CLCN5: variants seen among roughly 807,000 people sequenced by gnomAD.
The protein encoded by CLCN5 is Cl-/H+ antiporter 5, also known as H(+)/Cl(-) exchange transporter 5.
Under a neutral mutation model 54.0 loss-of-function variants are expected in CLCN5, and 17 were observed. That is an observed-to-expected ratio of 0.31 (90% CI 0.22 to 0.47). The LOEUF (loss-of-function observed/expected upper bound fraction) is 0.47. CLCN5 is among the 20% of genes least tolerant of loss of function. The pLI is 1.00. For missense variants in CLCN5, 448 were observed against 646.7 expected, an observed-to-expected ratio of 0.69 and a Z score of 3.33; for synonymous variants, 222 against 233.0, an observed-to-expected ratio of 0.95 and a Z score of 0.43.
At chrX:49,978,838 T>G (rs1323499277) in intron 3 of CLCN5, among the ~76,000 whole-genome samples, 1 of 111,751 alleles carries the variant, frequency 8.9e-6, no homozygotes, top group Non-Finnish European at 1.9e-5. Context: ...GGGTGGACTT[T>G]TTAAAAACCA....
intron 3 of CLCN5, chrX:50,003,012 T>C (rs2087265915): frequency 8.5e-6 from 2 of 235,619 alleles, no homozygotes; most frequent in African/African-American, 2.8e-5. Flanking sequence ...ATGTTGTAGA[T>C]AGTGAACATT....
intron 3 of CLCN5, among the ~76,000 whole-genome samples, chrX:50,035,973 C>T (rs1931978558): frequency 8.9e-6 from 1 of 111,990 alleles, no homozygotes; most frequent in Non-Finnish European, 1.9e-5. Context: ...AATCCCATTA[C>T]ATTTGTTCCT....
intron 3 of CLCN5, among the ~76,000 whole-genome samples, chrX:49,950,348 G>GT (rs1376959625): frequency 1.8e-5 from 2 of 111,991 alleles, no homozygotes; most frequent in Admixed American, 9.5e-5. Context: ...AATACACTTG[G>GT]TTTTTTAAGC....
At chrX:49,991,542 T>A (rs936140454) in intron 3 of CLCN5, among the ~76,000 whole-genome samples, 1 of 112,255 alleles carries the variant, frequency 8.9e-6, no homozygotes, top group Admixed American at 9.4e-5. Context: ...GTGCAGAAGC[T>A]TTTTAGTTTA....
rs1393410244 is a variant in CLCN5, at chrX:49,966,609, T to TA, written c.16+41295_16+41296insA. ...CTGATCTTTTTTTTTTTTTTTTTTT[T>TA]TTATTTTTTTATTTTTTTTATTATA... On this transcript the variant is annotated intron_variant, in intron 3 of 14. Transcript: ENST00000376091. Among the ~76,000 whole-genome samples, 61 of 21,354 alleles carry TA rather than the reference T, an allele frequency of 2.9e-3. 3 individuals are homozygous for TA. The highest frequency in any genetic ancestry group is 3.2e-3 in the Non-Finnish European group (45 of 13,936). 18.5% of individuals were successfully genotyped at this position (21,354 alleles called of 115,157 possible).
rs782577595 is a variant in CLCN5, at chrX:50,078,027, C to CA, written c.603+2060dup. Among the ~76,000 whole-genome samples the CA allele has an allele frequency of 1.4e-3, 124 of 86,489 alleles. No individual in the cohort carries two copies. In the Middle Eastern group the frequency reaches 0.023, roughly 16 times the overall value. The allele number at this position is 86,489 out of a possible 115,157, so 75.1% of individuals were successfully genotyped here. The stretch of plus-strand genomic sequence containing the variant: ...TGGGCGACAGAGCAAGACTCTATCT[C>CA]AAAAAAAAAAAAAAATCCTCTCCTC... On this transcript the variant is annotated intron_variant, in intron 7 of 14. Transcript: ENST00000376091.
chrX:50,026,068 G>A (rs1931373708), intron 3 of CLCN5, among the ~76,000 whole-genome samples: 1 of 111,668 alleles, frequency 9.0e-6, no homozygotes, highest in African/African-American at 3.3e-5. Flanking sequence ...CACAAATTTT[G>A]ATAAGTGGTT....
intron 3 of CLCN5, among the ~76,000 whole-genome samples, chrX:49,985,003 A>C (rs1557178141): frequency 9.1e-6 from 1 of 109,924 alleles, no homozygotes; most frequent in Non-Finnish European, 1.9e-5. Context: ...TTGTTTGAGA[A>C]ACTTACTCCT....
chrX:50,010,384 G>C (rs1303937304), intron 3 of CLCN5, among the ~76,000 whole-genome samples: 2 of 110,295 alleles, frequency 1.8e-5, no homozygotes, highest in African/African-American at 6.6e-5. Flanking sequence ...GGGACCACAG[G>C]CTTGTGCCAC....
At chrX:49,977,209 G>A (rs1329170974) in intron 3 of CLCN5, among the ~76,000 whole-genome samples, 1 of 110,459 alleles carries the variant, frequency 9.1e-6, no homozygotes, top group Non-Finnish European at 1.9e-5. Context: ...GAGGGAGGGG[G>A]AATTGAAACA....
At position 50,086,666 on chromosome X, in the gene CLCN5, A is replaced by G. The variant is rs1557194009; in HGVS notation, c.1353A>G (p.Thr451=). ...AFPNEYTRMS[T]SELISELFND... is the part of the protein sequence containing the mutation. Reference sequence around the variant, plus strand: ...CCAATGAATACACTCGGATGAGCACAAGTGAGCTCATTTCTGAGCTGTTTA... The same window carrying G: ...CCAATGAATACACTCGGATGAGCACGAGTGAGCTCATTTCTGAGCTGTTTA... The change falls in exon 11 of 15, where the codon ACA becomes ACG. Residue 451 remains threonine (T), a synonymous_variant. Coordinates refer to ENST00000376091, the MANE Select transcript of CLCN5 (RefSeq NM_001127898.4). 4 of 1,210,629 alleles carry G rather than the reference A, an allele frequency of 3.3e-6. No individual in the cohort carries two copies. The highest frequency in any genetic ancestry group is 2.3e-4 in the Middle Eastern group (1 of 4,351).
chrX:49,996,555 T>C (rs1929531352), intron 3 of CLCN5, among the ~76,000 whole-genome samples: 1 of 112,678 alleles, frequency 8.9e-6, no homozygotes, highest in African/African-American at 3.2e-5. Flanking sequence ...TTCATGTCCA[T>C]CTGGACTTGT....
intron 3 of CLCN5, among the ~76,000 whole-genome samples, chrX:49,949,163 A>G (rs1274426090): frequency 8.9e-6 from 1 of 112,129 alleles, no homozygotes; most frequent in Non-Finnish European, 1.9e-5. Context: ...GGGCAATTTT[A>G]CCCCCTGGGG....
intron 3 of CLCN5, among the ~76,000 whole-genome samples, chrX:50,025,175 C>G (rs1931292059): frequency 5.4e-5 from 1 of 18,450 alleles, no homozygotes; most frequent in African/African-American, 2.5e-4. Context: ...GGGATATAGT[C>G]TCGTGGTGCG....
At chrX:49,936,509 G>T (rs1557169750) in intron 3 of CLCN5, among the ~76,000 whole-genome samples, 2 of 112,138 alleles carry the variant, frequency 1.8e-5, no homozygotes, top group Admixed American at 1.9e-4. Context: ...ATGGGGCAAG[G>T]CTAATCATAT....
intron 3 of CLCN5, among the ~76,000 whole-genome samples, chrX:49,945,983 C>T (rs1181346043): frequency 9.2e-6 from 1 of 109,113 alleles, no homozygotes; most frequent in Admixed American, 9.8e-5. Flanking sequence ...TCTTGAACTC[C>T]TGAGCTCAAG....
At position 50,098,490 on chromosome X, in the gene CLCN5, C is replaced by T. The variant is rs1934332016; in HGVS notation, c.*6271C>T. ...GGCCCATGGGCCACTATTTGAATTT[C>T]TCTGTAGTAAGCTCTTTGTAGGGCT... is the stretch of plus-strand genomic sequence containing the variant. On this transcript the variant is annotated 3_prime_UTR_variant, in exon 15 of 15. Transcript: ENST00000376091. The T allele has an allele frequency of 8.8e-6, 1 of 113,093 alleles. No homozygotes were observed. The highest frequency in any genetic ancestry group is 3.8e-4 in the South Asian group (1 of 2,654). 9.3% of individuals were successfully genotyped at this position (113,093 alleles called of 1,213,427 possible). A position where few individuals can be genotyped will look rare whatever the true frequency, so the allele number is the denominator to read the frequency against.
At position 50,090,865 on chromosome X, in the gene CLCN5, A is replaced by G; in HGVS notation, c.2339A>G (p.Gln780Arg). 1 of 1,209,388 alleles carries G rather than the reference A, an allele frequency of 8.3e-7. No homozygotes were observed. The highest frequency in any genetic ancestry group is 1.1e-6 in the Non-Finnish European group (1 of 893,371). The change falls in exon 14 of 15, where the codon CAG becomes CGG. Residue 780 changes from glutamine (Q) to arginine (R), a missense_variant. Gln to Arg is a conservative substitution (Grantham distance 43). Transcript: ENST00000376091. ...VDIFRKLGLR[Q>R]CLVTHNGRLL... ...ATTTTCCGAAAGCTGGGACTGCGGC[A>G]GTGCCTGGTTACACACAACGGGTAA...
intron 3 of CLCN5, among the ~76,000 whole-genome samples, chrX:49,976,893 G>A (rs1928508592): frequency 1.8e-5 from 2 of 111,179 alleles, no homozygotes; most frequent in African/African-American, 6.6e-5. Context: ...GAAAAGCAAG[G>A]CAGATGCACT....
Sources: allele counts gnomAD v4.1 joint callset (sites outside exome capture counted in the v4.1 genomes callset), GRCh38; gene constraint gnomAD v4.1.1; transcripts MANE v1.5; gene names NCBI Gene and HGNC (gene_info 2026-07-23, HGNC 2026-07-21).